The following CALU variants were observed in gnomAD, a reference collection of about 807,000 sequenced individuals.
The protein encoded by CALU is calumenin.
In CALU, 13 loss-of-function variants were observed where a neutral mutation model predicts 37.5. The observed-to-expected ratio is 0.35, with a 90% CI of 0.23 to 0.55. CALU has a LOEUF of 0.55. Among genes scored for constraint, CALU ranks in the 20% least tolerant of loss-of-function variants. The pLI, the probability that CALU is intolerant of heterozygous loss-of-function variation, is 0.89. For synonymous variants in CALU, 114 were observed against 133.8 expected (o/e 0.85, Z 1.02); for missense variants, 282 against 391.7 (o/e 0.72, Z 2.36).
chr7:128,772,937 C>T lies in CALU; in HGVS notation c.*3770C>T, dbSNP rs926772265. 6.6e-6 allele frequency among the ~76,000 whole-genome samples: 1 copy of T among 152,178 alleles called. No homozygotes were observed. Among genetic ancestry groups the T allele is most frequent in the South Asian group, 2.1e-4 (1 of 4,828 alleles). ...CATAAAAGCACTGTCAGCAGAGGCC[C>T]CTCCATTACTAGCAGGTGCTCCCAG... On this transcript the variant is annotated 3_prime_UTR_variant, in exon 7 of 7. Coordinates refer to ENST00000249364, the MANE Select transcript of CALU (RefSeq NM_001219.5).
At chr7:128,748,254 A>AT in intron 1 of CALU, 1 of 787,224 alleles carries the variant, frequency 1.3e-6, no homozygotes, top group Non-Finnish European at 2.0e-6. Context: ...TTTAATTCTT[A>AT]TGAACTTGGG....
chr7:128,742,032 A>G (rs1167215332), intron 1 of CALU, among the ~76,000 whole-genome samples: 1 of 152,174 alleles, frequency 6.6e-6, no homozygotes, highest in East Asian at 1.9e-4. Context: ...TATTCCCTCC[A>G]TCACACAATA....
At chr7:128,755,204 C>T (rs1371519315) in intron 3 of CALU, among the ~76,000 whole-genome samples, 4 of 145,638 alleles carry the variant, frequency 2.7e-5, no homozygotes, top group African/African-American at 1.0e-4. Context: ...CCTAGATACT[C>T]AGGAGGCTAA....
chr7:128,768,590 G>C (rs1801419977), intron 6 of CALU, among the ~76,000 whole-genome samples: 1 of 152,164 alleles, frequency 6.6e-6, no homozygotes, highest in Non-Finnish European at 1.5e-5. Flanking sequence ...TGTAATCCCA[G>C]CACTTTGGGA....
rs931278631 is a variant in CALU at position 128,755,094 on chromosome 7, C to G, written c.415+639C>G. 2.8e-4 allele frequency among the ~76,000 whole-genome samples: 42 copies of G among 148,340 alleles called. 1 individual carries two copies. Among genetic ancestry groups the G allele is most frequent in the African/African-American group, 9.0e-4 (36 of 39,990 alleles). Reference sequence around the variant, plus strand: ...CTGAGGCAGGAGGATTGCCTGGGCCCAGGAGTTTGAGACCAATCTGGGCAA... The same window carrying G: ...CTGAGGCAGGAGGATTGCCTGGGCCGAGGAGTTTGAGACCAATCTGGGCAA... On this transcript the variant is annotated intron_variant, in intron 3 of 6. Coordinates refer to ENST00000249364, the MANE Select transcript of CALU (RefSeq NM_001219.5).
intron 4 of CALU, among the ~76,000 whole-genome samples, chr7:128,759,312 G>A (rs1801009775): frequency 1.3e-5 from 2 of 152,100 alleles, no homozygotes; most frequent in South Asian, 2.1e-4. Flanking sequence ...GCTTCATATT[G>A]TAAGAATGGG....
chr7:128,771,247 A>G lies in CALU; in HGVS notation c.*2080A>G, dbSNP rs1337345859. 2.0e-5 allele frequency: 3 copies of G among 152,648 alleles called. No individual in the cohort carries two copies. The highest frequency in any genetic ancestry group is 4.4e-5 in the Non-Finnish European group (3 of 68,056). The allele number at this position is 152,648 out of a possible 1,614,324, so 9.5% of individuals were successfully genotyped here. On this transcript the variant is annotated 3_prime_UTR_variant, in exon 7 of 7. Coordinates refer to ENST00000249364, the MANE Select transcript of CALU (RefSeq NM_001219.5). The stretch of plus-strand genomic sequence containing the variant: ...TTAATCTGCAAAGACAGCAGCAAGC[A>G]TTATACGGTCATCTTGAATGATCCC...
chr7:128,772,611 C>A lies in CALU; in HGVS notation c.*3444C>A, dbSNP rs1801631286. The A allele has an allele frequency of 6.2e-7, 1 of 1,614,154 alleles. No individual in the cohort carries two copies. Among genetic ancestry groups the A allele is most frequent in the Non-Finnish European group, 8.5e-7 (1 of 1,180,018 alleles). ...TTCTGGGAGCTGCATGTGTCGGATT[C>A]ATCTGTCATGGCCTTCCCACACACC... On this transcript the variant is annotated 3_prime_UTR_variant, in exon 7 of 7. Transcript: ENST00000249364.
chr7:128,756,310 C>A (rs1563131701), intron 3 of CALU, among the ~76,000 whole-genome samples: 1 of 152,198 alleles, frequency 6.6e-6, no homozygotes, highest in Admixed American at 6.5e-5. Flanking sequence ...TGATTATGTG[C>A]ATAAAAATCT....
At chr7:128,751,384 G>A (rs545208371) in intron 2 of CALU, among the ~76,000 whole-genome samples, 1 of 151,956 alleles carries the variant, frequency 6.6e-6, no homozygotes, top group African/African-American at 2.4e-5. Context: ...GACCCTTTGG[G>A]AGTCTAATGA....
rs1585025739 is a variant in CALU, at chr7:128,771,744, CA to C, written c.*2579del. On this transcript the variant is annotated 3_prime_UTR_variant, in exon 7 of 7. Coordinates refer to ENST00000249364, the MANE Select transcript of CALU (RefSeq NM_001219.5). ...TTATATAATTATCTGATACCAAACA[CA>C]AGCGATTCTGAATGTACACACACGT... The C allele has an allele frequency of 6.6e-6, 1 of 152,204 alleles. No individual in the cohort carries two copies. 9.4% of individuals were successfully genotyped at this position (152,204 alleles called of 1,614,324 possible).
chr7:128,764,728 CT>C (rs892130255), intron 5 of CALU, among the ~76,000 whole-genome samples: 250 of 141,880 alleles, frequency 1.8e-3, no homozygotes, highest in Admixed American at 1.6e-3. Context: ...TTCTTTGGTA[CT>C]TTTTTTTTTT....
In CALU at chr7:128,769,303, T is replaced by C; in HGVS notation, c.*136T>C. The C allele has an allele frequency of 1.8e-6, 1 of 554,626 alleles. No individual in the cohort carries two copies. Among genetic ancestry groups the C allele is most frequent in the Non-Finnish European group, 3.2e-6 (1 of 311,304 alleles). 34.4% of individuals were successfully genotyped at this position (554,626 alleles called of 1,614,324 possible). On this transcript the variant is annotated 3_prime_UTR_variant, in exon 7 of 7. Transcript: ENST00000249364. ...AAAAGGCGTAATGAAAACCATCCCG[T>C]CCCCATTCCTCCTCCTCTCTGAGGG... is the stretch of plus-strand genomic sequence containing the variant.
intron 5 of CALU, among the ~76,000 whole-genome samples, chr7:128,764,222 G>A (rs1023754083): frequency 2.0e-5 from 3 of 152,100 alleles, no homozygotes; most frequent in African/African-American, 7.2e-5. Context: ...GAGCCCAGGA[G>A]TTTGAGAACA....
In CALU at chr7:128,773,272, T is replaced by G. The variant is rs551741211; in HGVS notation, c.*4105T>G. Among the ~76,000 whole-genome samples the G allele has an allele frequency of 6.6e-6, 1 of 152,334 alleles. No homozygotes were observed. Among genetic ancestry groups the G allele is most frequent in the South Asian group, 2.1e-4 (1 of 4,828 alleles). The stretch of plus-strand genomic sequence containing the variant: ...CTGAAAATTGAGAGGAATCTGAGTT[T>G]TTATTTTTATTTTTTTAATTTTATT... On this transcript the variant is annotated 3_prime_UTR_variant, in exon 7 of 7. Coordinates refer to ENST00000249364, the MANE Select transcript of CALU (RefSeq NM_001219.5).
chr7:128,768,847 C>CAAAAAAAAAAAAAAACAA (rs1801434325), intron 6 of CALU, among the ~76,000 whole-genome samples: 1 of 55,164 alleles, frequency 1.8e-5, no homozygotes, highest in Non-Finnish European at 3.2e-5. Context: ...AACTCCGTCT[C>CAAAAAAAAAAAAAAACAA]AAAAAAAAAA....
At chr7:128,768,972 T>C in intron 6 of CALU, 91 bp from the exon 7 acceptor site, 1 of 722,064 alleles carries the variant, frequency 1.4e-6, no homozygotes, top group Non-Finnish European at 2.4e-6. Flanking sequence ...AATCTTAACT[T>C]CTGATTAACC....
At position 128,751,282 on chromosome 7, in the gene CALU, G is replaced by A. The variant is rs540976370; in HGVS notation, c.221+2478G>A. ...CAGCCTGGCAACAAAGTGAGACTCCGTCTCAAAAAAAAAAAAAAAAAAATT... is the reference window on the plus strand; with the variant it reads ...CAGCCTGGCAACAAAGTGAGACTCCATCTCAAAAAAAAAAAAAAAAAAATT... On this transcript the variant is annotated intron_variant, in intron 2 of 6. Transcript: ENST00000249364. Among the ~76,000 whole-genome samples, 41 of 118,760 alleles carry A rather than the reference G, an allele frequency of 3.5e-4. No individual in the cohort carries two copies. The South Asian group carries it at 9.3e-3, about 27-fold the overall frequency. The allele number at this position is 118,760 out of a possible 152,430, so 77.9% of individuals were successfully genotyped here.
rs1388619014 is a variant in CALU, at chr7:128,772,351, G to T, written c.*3184G>T. 1.4e-5 allele frequency: 9 copies of T among 663,034 alleles called. 1 individual carries two copies. In the East Asian group the frequency reaches 2.5e-4, roughly 19 times the overall value. 41.1% of individuals were successfully genotyped at this position (663,034 alleles called of 1,614,324 possible). On this transcript the variant is annotated 3_prime_UTR_variant, in exon 7 of 7. Coordinates refer to ENST00000249364, the MANE Select transcript of CALU (RefSeq NM_001219.5). ...CCTTTGGGTGGTCTGAAATAGACCA[G>T]TGGAAACAGTAGCTTTGTAGGCAAG... is the stretch of plus-strand genomic sequence containing the variant.
Sources: allele counts gnomAD v4.1 joint callset (sites outside exome capture counted in the v4.1 genomes callset), GRCh38; gene constraint gnomAD v4.1.1; transcripts MANE v1.5; gene names NCBI Gene and HGNC (gene_info 2026-07-23, HGNC 2026-07-21).